ZC2HC1B: variants seen among roughly 807,000 people sequenced by gnomAD.
ZC2HC1B encodes zinc finger C2HC-type containing 1B, also known as zinc finger C2HC domain-containing protein 1B.
Under a neutral mutation model 31.0 loss-of-function variants are expected in ZC2HC1B, and 36 were observed. That is an observed-to-expected ratio of 1.16 (90% CI 0.89 to 1.54). The LOEUF is 1.54. Ranked by LOEUF, ZC2HC1B falls within the 40% of genes most tolerant of loss-of-function variation. The pLI, the probability that ZC2HC1B is intolerant of heterozygous loss-of-function variation, is 0.00. For missense variants in ZC2HC1B, 260 were observed against 268.6 expected (o/e 0.97, Z 0.22); for synonymous variants, 73 against 88.0 (o/e 0.83, Z 0.95).
intron 6 of ZC2HC1B, among the ~76,000 whole-genome samples, chr6:143,904,509 G>A (rs975554138): frequency 1.3e-5 from 2 of 152,140 alleles, no homozygotes; most frequent in Non-Finnish European, 2.9e-5. Flanking sequence ...CTATACGCAT[G>A]TGCCAACATG....
At position 143,926,935 on chromosome 6, in the gene ZC2HC1B, C is replaced by T. The variant is rs540284051; in HGVS notation, c.599-10714C>T. 3.6e-4 allele frequency among the ~76,000 whole-genome samples: 50 copies of T among 140,218 alleles called. 3 individuals are homozygous for T. Among genetic ancestry groups the T allele is most frequent in the African/African-American group, 1.4e-3 (49 of 36,102 alleles). 92.0% of individuals were successfully genotyped at this position (140,218 alleles called of 152,430 possible). ...ACGCCATTCTCCTGCCTCAGCCTCC[C>T]GAGTAGCTGGGACTACAGGCGCCCG... On this transcript the variant is annotated intron_variant, in intron 6 of 7. Coordinates refer to ENST00000237275, the MANE Select transcript of ZC2HC1B (RefSeq NM_001013623.3).
rs1357724159 is a variant in ZC2HC1B, at chr6:143,886,520, G to C, written c.211-163G>C. Among the ~76,000 whole-genome samples, 1 of 151,654 alleles carries C rather than the reference G, an allele frequency of 6.6e-6. No individual in the cohort carries two copies. The highest frequency in any genetic ancestry group is 2.4e-5 in the African/African-American group (1 of 41,276). On this transcript the variant is annotated intron_variant, in intron 3 of 7. Transcript: ENST00000237275. This position sits in a 1 kb window ranked among gnomAD's most constrained non-coding sequence, Gnocchi z 4.2. ...CTTGTGGCTTGCAAATTATATTACTGTACTTTCCAAACCTCTTTAAGGAGT... is the reference window on the plus strand; with the variant it reads ...CTTGTGGCTTGCAAATTATATTACTCTACTTTCCAAACCTCTTTAAGGAGT...
chr6:143,893,067 A>G (rs1311130632), intron 4 of ZC2HC1B, among the ~76,000 whole-genome samples: 1 of 152,154 alleles, frequency 6.6e-6, no homozygotes, highest in African/African-American at 2.4e-5. Flanking sequence ...TATATCTGAC[A>G]AAGAACTCAT....
intron 6 of ZC2HC1B, among the ~76,000 whole-genome samples, chr6:143,914,624 T>C (rs566158909): frequency 6.6e-6 from 1 of 152,188 alleles, no homozygotes. Flanking sequence ...TATGTATCTT[T>C]ATCTGGTTGG....
At position 143,870,027 on chromosome 6, in the gene ZC2HC1B, C is replaced by A. The variant is rs533672408; in HGVS notation, c.28+5460C>A. On this transcript the variant is annotated intron_variant, in intron 1 of 7. Transcript: ENST00000237275. This position sits in a 1 kb window ranked among gnomAD's most constrained non-coding sequence, Gnocchi z 4.7. ...TACAAATATCTTTCCAGTTTTTGAC[C>A]ACTCAGAGAGGTCCATCCACATACC... is the stretch of plus-strand genomic sequence containing the variant. Among the ~76,000 whole-genome samples the A allele has an allele frequency of 6.6e-6, 1 of 152,312 alleles. No homozygotes were observed. Among genetic ancestry groups the A allele is most frequent in the African/African-American group, 2.4e-5 (1 of 41,562 alleles).
intron 4 of ZC2HC1B, among the ~76,000 whole-genome samples, chr6:143,896,550 T>C (rs1777668161): frequency 6.6e-6 from 1 of 152,242 alleles, no homozygotes; most frequent in Admixed American, 6.5e-5. Context: ...TATTTGGTAG[T>C]TGGAAACACA....
chr6:143,892,566 G>A (rs1777613643), intron 4 of ZC2HC1B, among the ~76,000 whole-genome samples: 2 of 152,124 alleles, frequency 1.3e-5, no homozygotes, highest in Admixed American at 1.3e-4. Flanking sequence ...TCAAAGTGTT[G>A]GGATTACAGG....
rs543253227 is a variant in ZC2HC1B, at chr6:143,884,659, A to G, written c.90+294A>G. Among the ~76,000 whole-genome samples the G allele has an allele frequency of 1.7e-4, 26 of 152,294 alleles. No homozygotes were observed. In the South Asian group the frequency reaches 3.3e-3, roughly 19 times the overall value. Reference sequence around the variant, plus strand: ...TGGCTCTTCCACCTTTTCTTTAAGCATCGAAAATTCAAATTTCAAGGCCAA... The same window carrying G: ...TGGCTCTTCCACCTTTTCTTTAAGCGTCGAAAATTCAAATTTCAAGGCCAA... On this transcript the variant is annotated intron_variant, in intron 2 of 7. Coordinates refer to ENST00000237275, the MANE Select transcript of ZC2HC1B (RefSeq NM_001013623.3). This position sits in a 1 kb window ranked among gnomAD's most constrained non-coding sequence, Gnocchi z 5.1.
In ZC2HC1B at chr6:143,871,031, G is replaced by T. The variant is rs1777330055; in HGVS notation, c.28+6464G>T. Among the ~76,000 whole-genome samples the T allele has an allele frequency of 6.6e-6, 1 of 152,082 alleles. No homozygotes were observed. Among genetic ancestry groups the T allele is most frequent in the Non-Finnish European group, 1.5e-5 (1 of 68,030 alleles). On this transcript the variant is annotated intron_variant, in intron 1 of 7. Transcript: ENST00000237275. This position sits in a 1 kb window ranked among gnomAD's most constrained non-coding sequence, Gnocchi z 4.1. ...TCCAAATAGATCCACTAGACATTGT[G>T]CCTCTTTCTTGGTGGTAGGAGGGGC...
rs1336536836 is a variant in ZC2HC1B at position 143,933,075 on chromosome 6, C to T, written c.599-4574C>T. The stretch of plus-strand genomic sequence containing the variant: ...GGAGTCAGGTAGACTCTGTGAGAGT[C>T]CTTGGTTGTAAATATGTTTACTGTG... On this transcript the variant is annotated intron_variant, in intron 6 of 7. Coordinates refer to ENST00000237275, the MANE Select transcript of ZC2HC1B (RefSeq NM_001013623.3). The surrounding 1 kb of genome is among the most constrained non-coding windows in gnomAD (Gnocchi z 6.4). Among the ~76,000 whole-genome samples the T allele has an allele frequency of 6.6e-6, 1 of 152,152 alleles. No homozygotes were observed. The highest frequency in any genetic ancestry group is 1.9e-4 in the East Asian group (1 of 5,190).
chr6:143,910,275 T>A (rs1285621581), intron 6 of ZC2HC1B, among the ~76,000 whole-genome samples: 1 of 152,226 alleles, frequency 6.6e-6, no homozygotes, highest in Non-Finnish European at 1.5e-5. Flanking sequence ...TGTGTGTTTT[T>A]GAGTGAATTT....
Position 143,933,970 on chromosome 6 carries a change from C to G in ZC2HC1B, c.599-3679C>G, listed in dbSNP as rs1305190707. Among the ~76,000 whole-genome samples the G allele has an allele frequency of 3.3e-5, 5 of 152,214 alleles. No homozygotes were observed. The highest frequency in any genetic ancestry group is 5.9e-5 in the Non-Finnish European group (4 of 68,036). On this transcript the variant is annotated intron_variant, in intron 6 of 7. Coordinates refer to ENST00000237275, the MANE Select transcript of ZC2HC1B (RefSeq NM_001013623.3). The surrounding 1 kb of genome is among the most constrained non-coding windows in gnomAD (Gnocchi z 6.4). Reference sequence around the variant, plus strand: ...TTCTGCCAGTTGCCTTCCCCGAGGGCTCTTGTGAGATAGAGTCAGGGATGG... The same window carrying G: ...TTCTGCCAGTTGCCTTCCCCGAGGGGTCTTGTGAGATAGAGTCAGGGATGG...
chr6:143,896,093 C>G (rs75738668), intron 4 of ZC2HC1B, among the ~76,000 whole-genome samples: 1 of 152,224 alleles, frequency 6.6e-6, no homozygotes, highest in East Asian at 1.9e-4. Flanking sequence ...CCTGCCTGCT[C>G]TCTGCCCCTC....
intron 6 of ZC2HC1B, among the ~76,000 whole-genome samples, chr6:143,932,305 G>A (rs891379877): frequency 4.6e-5 from 7 of 152,128 alleles, no homozygotes; most frequent in Non-Finnish European, 1.5e-5. Context: ...TTTAGGTTTG[G>A]CTGTTTAACA....
intron 1 of ZC2HC1B, among the ~76,000 whole-genome samples, chr6:143,874,476 C>T (rs770730682): frequency 1.8e-4 from 27 of 152,292 alleles, no homozygotes; most frequent in Admixed American, 1.1e-3. Flanking sequence ...AGTCTGTTTT[C>T]ACACTGCTGA....
intron 1 of ZC2HC1B, among the ~76,000 whole-genome samples, chr6:143,875,576 C>A (rs112737586): frequency 0.023 from 3,473 of 150,966 alleles, 207 homozygotes; most frequent in Middle Eastern, 0.044. Context: ...TTATACCACA[C>A]CCTTAATATC....
chr6:143,914,182 T>C (rs770602044), intron 6 of ZC2HC1B, among the ~76,000 whole-genome samples: 7 of 152,344 alleles, frequency 4.6e-5, no homozygotes, highest in Admixed American at 2.6e-4. Flanking sequence ...GGATTGTTGA[T>C]TTGAGATCTT....
In ZC2HC1B at chr6:143,929,995, G is replaced by A. The variant is rs909283816; in HGVS notation, c.599-7654G>A. Among the ~76,000 whole-genome samples the A allele has an allele frequency of 1.3e-4, 20 of 152,030 alleles. 1 individual carries two copies. The East Asian group carries it at 1.9e-3, about 15-fold the overall frequency. ...ATCTTCTTTCTTCCTTCCTAGGTTA[G>A]TTGACCTAGTGGTCTACCAATCTTG... On this transcript the variant is annotated intron_variant, in intron 6 of 7. Coordinates refer to ENST00000237275, the MANE Select transcript of ZC2HC1B (RefSeq NM_001013623.3).
At chr6:143,909,192 G>A (rs1777831135) in intron 6 of ZC2HC1B, among the ~76,000 whole-genome samples, 1 of 152,064 alleles carries the variant, frequency 6.6e-6, no homozygotes, top group Middle Eastern at 3.2e-3. Flanking sequence ...GAGGATTTTT[G>A]CATTGATGTT....
Sources: gnomAD v4.1 joint callset for allele counts (sites outside exome capture counted in the v4.1 genomes callset) on GRCh38, gnomAD v4.1.1 for gene constraint, Gnocchi (gnomAD v3.1) non-coding constraint, MANE v1.5 for transcripts, NCBI Gene and HGNC (gene_info 2026-07-23, HGNC 2026-07-21) for gene names.